Variants in TOX observed in about 807,000 individuals in gnomAD.
The protein encoded by TOX is thymocyte selection-associated high mobility group box protein TOX.
TOX carries 11 observed loss-of-function variants against 53.7 expected under a neutral mutation model. That is an observed-to-expected ratio of 0.20 (90% CI 0.13 to 0.34). The LOEUF is 0.34. Ranked by LOEUF, TOX falls within the 10% of genes least tolerant of loss-of-function variation. The pLI is 1.00. For synonymous variants in TOX, 225 were observed against 245.3 expected, an observed-to-expected ratio of 0.92 and a Z score of 0.77; for missense variants, 570 against 664.6, an observed-to-expected ratio of 0.86 and a Z score of 1.56.
At chr8:58,965,917 T>G (rs376549997) in intron 1 of TOX, among the ~76,000 whole-genome samples, 13,497 of 145,962 alleles carry the variant, frequency 0.092, 1,129 homozygotes, top group Middle Eastern at 0.15. Flanking sequence ...TTTTTTTTTT[T>G]TTTTTTTTGG....
At chr8:58,937,280 C>A (rs1279172296) in intron 3 of TOX, among the ~76,000 whole-genome samples, 2 of 152,210 alleles carry the variant, frequency 1.3e-5, no homozygotes, top group East Asian at 1.9e-4. Context: ...TTCCCCTATA[C>A]CCTGCAAAGT....
chr8:58,967,064 C>T (rs572776711), intron 1 of TOX, among the ~76,000 whole-genome samples: 54 of 151,676 alleles, frequency 3.6e-4, no homozygotes, highest in African/African-American at 1.3e-3. Flanking sequence ...TTAGTAGAGA[C>T]GGGGTTTCAC....
intron 6 of TOX, among the ~76,000 whole-genome samples, chr8:58,821,317 T>G (rs1436366837): frequency 6.6e-6 from 1 of 152,128 alleles, no homozygotes; most frequent in African/African-American, 2.4e-5. Context: ...CTATACCTAC[T>G]AATACTAAAA....
intron 1 of TOX, among the ~76,000 whole-genome samples, chr8:59,038,564 G>A (rs1563426290): frequency 1.3e-5 from 2 of 152,072 alleles, no homozygotes; most frequent in Non-Finnish European, 2.9e-5. Context: ...TCCTCATTTT[G>A]ATAAGGCATA....
At chr8:58,824,730 G>A (rs991534513) in intron 6 of TOX, among the ~76,000 whole-genome samples, 1 of 152,140 alleles carries the variant, frequency 6.6e-6, no homozygotes. Context: ...TTTCACTAAC[G>A]ATTTCCCTTG....
intron 1 of TOX, among the ~76,000 whole-genome samples, chr8:59,058,815 C>T (rs570018776): frequency 6.6e-6 from 1 of 152,304 alleles, no homozygotes; most frequent in Admixed American, 6.5e-5. Context: ...ACCAAGGAGC[C>T]TTTCTCTGTT....
chr8:59,053,346 CGGAACACAT>C (rs1803829140), intron 1 of TOX, among the ~76,000 whole-genome samples: 1 of 152,158 alleles, frequency 6.6e-6, no homozygotes. Context: ...AAAAAAACAA[CGGAACACAT>C]GGTTGTGTCT....
chr8:59,043,179 T>C (rs1031376400), intron 1 of TOX, among the ~76,000 whole-genome samples: 1 of 146,590 alleles, frequency 6.8e-6, no homozygotes, highest in African/African-American at 2.5e-5. Flanking sequence ...AACTCTTGTT[T>C]TGAAATTACC....
At chr8:58,861,512 T>C (rs765135743) in intron 3 of TOX, among the ~76,000 whole-genome samples, 6 of 152,222 alleles carry the variant, frequency 3.9e-5, no homozygotes, top group Non-Finnish European at 8.8e-5. Flanking sequence ...AACATGCTAC[T>C]GTTTGCTCAT....
chr8:59,107,049 G>GC (rs1554547200), intron 1 of TOX, among the ~76,000 whole-genome samples: 1 of 130,154 alleles, frequency 7.7e-6, no homozygotes, highest in African/African-American at 3.0e-5. Context: ...AGTTTGCTGG[G>GC]GGGGGGGGGA....
At chr8:58,822,499 G>C (rs1227879956) in intron 6 of TOX, among the ~76,000 whole-genome samples, 4 of 152,184 alleles carry the variant, frequency 2.6e-5, no homozygotes, top group African/African-American at 9.7e-5. Flanking sequence ...GGAGTGACCA[G>C]AGCCGGGCAG....
chr8:59,030,476 C>T (rs1814333910), intron 1 of TOX, among the ~76,000 whole-genome samples: 1 of 152,202 alleles, frequency 6.6e-6, no homozygotes, highest in Admixed American at 6.5e-5. Context: ...ACAAAAGCCA[C>T]TGAAGCTCTA....
intron 1 of TOX, among the ~76,000 whole-genome samples, chr8:59,055,214 C>T (rs1365112253): frequency 1.3e-5 from 2 of 152,166 alleles, no homozygotes; most frequent in East Asian, 3.9e-4. Flanking sequence ...CTCCGATCAG[C>T]TGCAAACAGG....
intron 2 of TOX, among the ~76,000 whole-genome samples, chr8:58,943,199 C>T (rs1044041753): frequency 3.4e-4 from 52 of 152,170 alleles, no homozygotes; most frequent in African/African-American, 1.2e-3. Context: ...CCCTCTGGCT[C>T]TCAGAAGCTA....
intron 4 of TOX, among the ~76,000 whole-genome samples, chr8:58,846,941 A>G (rs987121185): frequency 6.6e-6 from 1 of 152,178 alleles, no homozygotes; most frequent in Non-Finnish European, 1.5e-5. Context: ...CCTTGTTACA[A>G]ATGCAGAGTG....
intron 1 of TOX, among the ~76,000 whole-genome samples, chr8:59,096,043 T>C (rs1804706970): frequency 6.6e-6 from 1 of 152,328 alleles, no homozygotes; most frequent in East Asian, 1.9e-4. Flanking sequence ...CCCAACAGTG[T>C]TGTTATTCAT....
chr8:58,841,178 G>T (rs530065876), intron 4 of TOX, among the ~76,000 whole-genome samples: 9 of 152,180 alleles, frequency 5.9e-5, no homozygotes, highest in Non-Finnish European at 1.3e-4. Context: ...CTATTTGCAA[G>T]TCTCAAAGAT....
At chr8:58,944,669 T>C (rs1379468484) in intron 2 of TOX, among the ~76,000 whole-genome samples, 1 of 152,174 alleles carries the variant, frequency 6.6e-6, no homozygotes, top group Non-Finnish European at 1.5e-5. Context: ...CTTATAAGCA[T>C]TAAAAACAAA....
intron 1 of TOX, among the ~76,000 whole-genome samples, chr8:59,059,036 A>G (rs1332282236): frequency 1.3e-5 from 2 of 152,144 alleles, no homozygotes; most frequent in Non-Finnish European, 2.9e-5. Context: ...CTTCTTCAAG[A>G]GCAGTAAGAG....
Sources: allele counts gnomAD v4.1 joint callset (sites outside exome capture counted in the v4.1 genomes callset), GRCh38; gene constraint gnomAD v4.1.1; transcripts MANE v1.5; gene names NCBI Gene and HGNC (gene_info 2026-07-23, HGNC 2026-07-21).